KCNIP4: variants seen among roughly 807,000 people sequenced by gnomAD.
KCNIP4 encodes the protein Kv channel-interacting protein 4.
A neutral mutation model predicts 34.0 loss-of-function variants in KCNIP4; 12 were observed. The ratio of observed to expected loss-of-function variants is 0.35; its 90% CI spans 0.23 to 0.57. The LOEUF is 0.57. Ranked by LOEUF, KCNIP4 falls within the 20% of genes least tolerant of loss-of-function variation. The pLI, the probability that KCNIP4 is intolerant of heterozygous loss-of-function variation, is 0.83. For synonymous variants in KCNIP4, 124 were observed against 102.2 expected, an observed-to-expected ratio of 1.21 and a Z score of -1.29; for missense variants, 238 against 311.7, an observed-to-expected ratio of 0.76 and a Z score of 1.78.
chr4:21,876,139 C>A (rs1207588383), intron 1 of KCNIP4, among the ~76,000 whole-genome samples: 1 of 151,942 alleles, frequency 6.6e-6, no homozygotes, highest in African/African-American at 2.4e-5. Context: ...AAAAATATTA[C>A]AAAAGTAAAA....
chr4:21,040,400 T>A (rs910647656), intron 1 of KCNIP4, among the ~76,000 whole-genome samples: 2 of 152,154 alleles, frequency 1.3e-5, no homozygotes, highest in African/African-American at 4.8e-5. Flanking sequence ...CATCTTAAGG[T>A]GAACAAGGTT....
intron 1 of KCNIP4, among the ~76,000 whole-genome samples, chr4:21,641,613 T>C (rs2109234616): frequency 6.6e-6 from 1 of 152,102 alleles, no homozygotes; most frequent in Non-Finnish European, 1.5e-5. Flanking sequence ...TGGGTGAAAA[T>C]CATGAAGATA....
At chr4:21,290,973 ATT>A (rs919269442) in intron 1 of KCNIP4, among the ~76,000 whole-genome samples, 5 of 152,176 alleles carry the variant, frequency 3.3e-5, no homozygotes, top group Non-Finnish European at 7.3e-5. Flanking sequence ...CCAGCTGAGG[ATT>A]TTATAGAAGA....
intron 1 of KCNIP4, among the ~76,000 whole-genome samples, chr4:21,547,417 C>T (rs1240408120): frequency 6.6e-6 from 1 of 152,002 alleles, no homozygotes; most frequent in Admixed American, 6.6e-5. Flanking sequence ...ATATATGACA[C>T]ATGCACTTTT....
rs1188218679 is a variant in KCNIP4 at position 21,300,017 on chromosome 4, A to G, written c.62-417308T>C. Among the ~76,000 whole-genome samples the G allele has an allele frequency of 2.0e-5, 3 of 152,294 alleles. No homozygotes were observed. In the East Asian group the frequency reaches 5.8e-4, roughly 29 times the overall value. On this transcript the variant is annotated intron_variant, in intron 1 of 8. Coordinates refer to ENST00000382152, the MANE Select transcript of KCNIP4 (RefSeq NM_025221.6). ...TGATTTCTTTTTGTCTTTTTATCAAAGATAATTACCAATAACAGTGACTTT... is the reference window on the plus strand; with the variant it reads ...TGATTTCTTTTTGTCTTTTTATCAAGGATAATTACCAATAACAGTGACTTT...
intron 1 of KCNIP4, among the ~76,000 whole-genome samples, chr4:21,422,196 CT>C (rs35669431): frequency 0.011 from 1,571 of 141,910 alleles, 14 homozygotes; most frequent in African/African-American, 0.031. Flanking sequence ...CTGCAGCCTA[CT>C]TTTTTTTTTT....
intron 1 of KCNIP4, among the ~76,000 whole-genome samples, chr4:21,427,545 G>C (rs1217028885): frequency 2.0e-5 from 3 of 152,110 alleles, no homozygotes; most frequent in East Asian, 1.9e-4. Context: ...ACCCTGCAGG[G>C]AGCAGGCTTG....
At chr4:21,745,524 A>C (rs2109135993) in intron 1 of KCNIP4, among the ~76,000 whole-genome samples, 1 of 152,270 alleles carries the variant, frequency 6.6e-6, no homozygotes, top group South Asian at 2.1e-4. Flanking sequence ...AGAAAGCTTT[A>C]CTCTGTAAAT....
chr4:20,827,087 G>A (rs928750053), intron 3 of KCNIP4, among the ~76,000 whole-genome samples: 5 of 152,172 alleles, frequency 3.3e-5, no homozygotes, highest in African/African-American at 7.2e-5. Flanking sequence ...CAGAAATAAT[G>A]TTATGCCAGT....
intron 3 of KCNIP4, among the ~76,000 whole-genome samples, chr4:20,759,361 A>C (rs900000669): frequency 2.6e-5 from 4 of 152,184 alleles, no homozygotes; most frequent in African/African-American, 9.7e-5. Flanking sequence ...AGTAATAGAT[A>C]CTAATGCTTG....
chr4:21,674,416 A>G (rs1749731343), intron 1 of KCNIP4, among the ~76,000 whole-genome samples: 1 of 152,230 alleles, frequency 6.6e-6, no homozygotes, highest in South Asian at 2.1e-4. Context: ...TTAAAGAGGT[A>G]ATAGTGTATG....
At position 21,605,882 on chromosome 4, in the gene KCNIP4, G is replaced by C. The variant is rs114293283; in HGVS notation, c.61+342689C>G. On this transcript the variant is annotated intron_variant, in intron 1 of 8. Coordinates refer to ENST00000382152, the MANE Select transcript of KCNIP4 (RefSeq NM_025221.6). The stretch of plus-strand genomic sequence containing the variant: ...CATCAAAAAAATGGGGTGGGAGGAG[G>C]AGTTAGTGGCTCTGAGTAGACGCAA... Among the ~76,000 whole-genome samples the C allele has an allele frequency of 6.9e-3, 1,050 of 152,292 alleles. 13 individuals carry two copies. Among genetic ancestry groups the C allele is most frequent in the African/African-American group, 0.024 (989 of 41,558 alleles).
intron 1 of KCNIP4, among the ~76,000 whole-genome samples, chr4:21,571,351 A>G (rs1484442436): frequency 6.6e-6 from 1 of 152,216 alleles, no homozygotes; most frequent in African/African-American, 2.4e-5. Flanking sequence ...TGTGCAAAAT[A>G]ATGATGTGCC....
chr4:21,131,923 T>C lies in KCNIP4; in HGVS notation c.62-249214A>G, dbSNP rs114574133. ...TCTGAAAGAATTTACCTTCCAGGTA[T>C]GGCTTCTCAAATGGGGCCATTGTAT... On this transcript the variant is annotated intron_variant, in intron 1 of 8. Transcript: ENST00000382152. Among the ~76,000 whole-genome samples the C allele has an allele frequency of 1.8e-3, 273 of 152,336 alleles. 2 individuals are homozygous for C. The highest frequency in any genetic ancestry group is 6.1e-3 in the African/African-American group (253 of 41,576).
intron 1 of KCNIP4, among the ~76,000 whole-genome samples, chr4:21,001,014 T>A (rs1738082615): frequency 6.6e-6 from 1 of 152,206 alleles, no homozygotes; most frequent in Non-Finnish European, 1.5e-5. Flanking sequence ...ATTTATCTTG[T>A]TTTTCCCACT....
In KCNIP4 at chr4:21,790,784, T is replaced by A. The variant is rs114285385; in HGVS notation, c.61+157787A>T. On this transcript the variant is annotated intron_variant, in intron 1 of 8. Transcript: ENST00000382152. ...ATCCTTGAAGGGTGGAATGACCGATTTGCACAATATTCTCATTTTCAATAC... is the reference window on the plus strand; with the variant it reads ...ATCCTTGAAGGGTGGAATGACCGATATGCACAATATTCTCATTTTCAATAC... Among the ~76,000 whole-genome samples the A allele has an allele frequency of 4.3e-3, 650 of 152,042 alleles. 3 individuals are homozygous for A. The highest frequency in any genetic ancestry group is 0.015 in the African/African-American group (603 of 41,482).
At chr4:20,840,929 A>G (rs1386657043) in intron 3 of KCNIP4, among the ~76,000 whole-genome samples, 2 of 152,166 alleles carry the variant, frequency 1.3e-5, no homozygotes, top group Non-Finnish European at 2.9e-5. Flanking sequence ...TTTGATGGGC[A>G]AACACAGGAC....
intron 1 of KCNIP4, among the ~76,000 whole-genome samples, chr4:21,550,466 T>A (rs965761513): frequency 3.3e-5 from 5 of 152,200 alleles, no homozygotes; most frequent in African/African-American, 1.2e-4. Flanking sequence ...TCATCGAAAA[T>A]TTCTCTTTAG....
chr4:20,731,163 G>A (rs750741611), intron 8 of KCNIP4, among the ~76,000 whole-genome samples: 6 of 152,104 alleles, frequency 3.9e-5, no homozygotes, highest in Non-Finnish European at 7.4e-5. Flanking sequence ...TGGCTCAACA[G>A]GGATCAAGTG....
Sources: allele counts gnomAD v4.1 joint callset (sites outside exome capture counted in the v4.1 genomes callset), GRCh38; gene constraint gnomAD v4.1.1; transcripts MANE v1.5; gene names NCBI Gene and HGNC (gene_info 2026-07-23, HGNC 2026-07-21).